The following MTMR7 variants were observed in gnomAD, a reference collection of about 807,000 sequenced individuals.
MTMR7 encodes the protein myotubularin related protein 7.
A neutral mutation model predicts 81.2 loss-of-function variants in MTMR7; 76 were observed. The observed-to-expected ratio is 0.94, with a 90% CI of 0.78 to 1.13. MTMR7 has a LOEUF of 1.13. MTMR7 is among the 50% of genes most tolerant of loss of function. MTMR7 has a pLI of 0.00. For synonymous variants in MTMR7, 372 were observed against 289.8 expected, an observed-to-expected ratio of 1.28 and a Z score of -2.88; for missense variants, 1,044 against 820.0, an observed-to-expected ratio of 1.27 and a Z score of -3.34.
rs1817318780 is a variant in MTMR7 at position 17,304,425 on chromosome 8, G to C, written c.1447C>G (p.Gln483Glu). The change falls in exon 12 of 14, where the codon CAG becomes GAG. Residue 483 changes from glutamine to glutamate, a missense_variant. By Grantham distance (29) the Gln-to-Glu change is conservative. Coordinates refer to ENST00000180173, the MANE Select transcript of MTMR7 (RefSeq NM_004686.5). ...GTTGTAGGGAGATGAAGGGTTCCCT[G>C]AGTCTGGCTGTGATCAGCTCTAAAC... is the stretch of plus-strand genomic sequence containing the variant. ...PLFRADHSQT[Q>E]GTLHLPTTPC... The C allele has an allele frequency of 6.2e-7, 1 of 1,614,054 alleles. No individual in the cohort carries two copies. The highest frequency in any genetic ancestry group is 8.5e-7 in the Non-Finnish European group (1 of 1,179,940).
intron 4 of MTMR7, among the ~76,000 whole-genome samples, chr8:17,358,518 A>G (rs1362067159): frequency 6.6e-6 from 1 of 152,218 alleles, no homozygotes; most frequent in Non-Finnish European, 1.5e-5. Context: ...AAGAAATTCA[A>G]TTTAGATAAA....
At chr8:17,320,899 G>A (rs1288057393) in intron 7 of MTMR7, among the ~76,000 whole-genome samples, 1 of 152,176 alleles carries the variant, frequency 6.6e-6, no homozygotes, top group Admixed American at 6.5e-5. Context: ...ATGCCCCAAA[G>A]TGTTCAACTT....
In MTMR7 at chr8:17,297,622, A is replaced by T. The variant is rs1816786906; in HGVS notation, c.*2240T>A. The T allele has an allele frequency of 1.3e-5, 2 of 152,072 alleles. No homozygotes were observed. Among genetic ancestry groups the T allele is most frequent in the African/African-American group, 4.8e-5 (2 of 41,452 alleles). The allele number at this position is 152,072 out of a possible 1,614,324, so 9.4% of individuals were successfully genotyped here. On this transcript the variant is annotated 3_prime_UTR_variant, in exon 14 of 14. Coordinates refer to ENST00000180173, the MANE Select transcript of MTMR7 (RefSeq NM_004686.5). ...TTCTATATATTACTAATTGGGAAGT[A>T]ATATGCCTCAAATCAGTTTTATACT... is the stretch of plus-strand genomic sequence containing the variant.
intron 1 of MTMR7, among the ~76,000 whole-genome samples, chr8:17,380,196 C>T (rs1455949218): frequency 1.3e-5 from 2 of 152,176 alleles, no homozygotes; most frequent in African/African-American, 4.8e-5. Context: ...TTTCAAAGAA[C>T]TCCACCAATA....
chr8:17,330,563 T>C (rs186789731), intron 7 of MTMR7, among the ~76,000 whole-genome samples: 157 of 152,374 alleles, frequency 1.0e-3, no homozygotes, highest in African/African-American at 3.3e-3. Flanking sequence ...ATAACTCTTC[T>C]CTATTACATA....
chr8:17,357,780 G>A (rs965587930), intron 4 of MTMR7, among the ~76,000 whole-genome samples: 1 of 152,168 alleles, frequency 6.6e-6, no homozygotes, highest in Admixed American at 6.5e-5. Context: ...AGGAACATCT[G>A]GGAAATTAAC....
chr8:17,304,604 T>G, intron 11 of MTMR7, 85 bp from the exon 12 acceptor site: 1 of 1,419,840 alleles, frequency 7.0e-7, no homozygotes, highest in Non-Finnish European at 9.7e-7. Flanking sequence ...GGAAAGGAAC[T>G]AATAATTGTT....
chr8:17,331,144 G>T lies in MTMR7; in HGVS notation c.865+6C>A, dbSNP rs200628635. The T allele has an allele frequency of 1.2e-6, 2 of 1,609,766 alleles. No homozygotes were observed. Among genetic ancestry groups the T allele is most frequent in the African/African-American group, 2.7e-5 (2 of 74,862 alleles). On this transcript the variant is annotated splice_donor_region_variant and intron_variant, in intron 7 of 13. Transcript: ENST00000180173. ...TTTTAATGCTGTGCATAAGGAAATG[G>T]TTTACCTTCCAGCATTTTCTGCAGA...
chr8:17,326,157 G>A (rs144108076), intron 7 of MTMR7, among the ~76,000 whole-genome samples: 484 of 152,238 alleles, frequency 3.2e-3, no homozygotes, highest in Non-Finnish European at 5.6e-3. Context: ...CCACTACCTC[G>A]AGAGGCAGAA....
intron 4 of MTMR7, among the ~76,000 whole-genome samples, chr8:17,355,068 G>C (rs149351771): frequency 6.6e-6 from 1 of 152,248 alleles, no homozygotes; most frequent in Non-Finnish European, 1.5e-5. Context: ...CTATATATGA[G>C]TCATGTTTAT....
chr8:17,298,090 A>C lies in MTMR7; in HGVS notation c.*1772T>G, dbSNP rs568483931. ...AGACATACACTGTCAAACGGAAGAA[A>C]TTAAAGCCACATCCTCAATATTAGG... On this transcript the variant is annotated 3_prime_UTR_variant, in exon 14 of 14. Coordinates refer to ENST00000180173, the MANE Select transcript of MTMR7 (RefSeq NM_004686.5). 2 of 152,196 alleles carry C rather than the reference A, an allele frequency of 1.3e-5. No individual in the cohort carries two copies. The highest frequency in any genetic ancestry group is 3.9e-4 in the East Asian group (2 of 5,188). The allele number at this position is 152,196 out of a possible 1,614,324, so 9.4% of individuals were successfully genotyped here. A position where few individuals can be genotyped will look rare whatever the true frequency, so the allele number is the denominator to read the frequency against.
In MTMR7 at chr8:17,299,299, A is replaced by AAAGTT. The variant is rs1816943491; in HGVS notation, c.*558_*562dup. The AAAGTT allele has an allele frequency of 6.6e-6, 1 of 152,370 alleles. No individual in the cohort carries two copies. Among genetic ancestry groups the AAAGTT allele is most frequent in the African/African-American group, 2.4e-5 (1 of 41,474 alleles). 9.4% of individuals were successfully genotyped at this position (152,370 alleles called of 1,614,324 possible). On this transcript the variant is annotated 3_prime_UTR_variant, in exon 14 of 14. Transcript: ENST00000180173. ...CAATTCAAAATATATGCTCCAAGGA[A>AAAGTT]AAGTTAAAGTGATGATTATGCCTGA...
Position 17,412,766 on chromosome 8 carries a change from T to C in MTMR7, c.24+503A>G, listed in dbSNP as rs180817682. On this transcript the variant is annotated intron_variant, in intron 1 of 13. Transcript: ENST00000180173. ...GTAAGGCCCCTTGCAGCTGCTACGC[T>C]CAGGATGAGGATGCTGACTGGGAAG... is the stretch of plus-strand genomic sequence containing the variant. Among the ~76,000 whole-genome samples, 6 of 152,266 alleles carry C rather than the reference T, an allele frequency of 3.9e-5. No individual in the cohort carries two copies. In the East Asian group the frequency reaches 1.2e-3, roughly 30 times the overall value.
intron 5 of MTMR7, 36 bp from the exon 6 acceptor site, chr8:17,341,533 GGTAACT>G (rs1563346851): frequency 6.2e-7 from 1 of 1,608,878 alleles, no homozygotes. Flanking sequence ...AGCACCATCA[GGTAACT>G]GTACCCATGA....
intron 7 of MTMR7, among the ~76,000 whole-genome samples, chr8:17,317,272 G>A (rs73210213): frequency 0.025 from 3,787 of 152,238 alleles, 74 homozygotes; most frequent in Non-Finnish European, 0.038. Context: ...GCATGGGCAG[G>A]CTTTCTTAGC....
chr8:17,375,950 A>G (rs1454140634), intron 1 of MTMR7, among the ~76,000 whole-genome samples: 2 of 152,206 alleles, frequency 1.3e-5, no homozygotes, highest in Non-Finnish European at 2.9e-5. Flanking sequence ...TAAATGTACT[A>G]TTCAATGGTT....
intron 4 of MTMR7, among the ~76,000 whole-genome samples, chr8:17,354,732 G>A (rs567300742): frequency 3.9e-5 from 6 of 152,254 alleles, no homozygotes; most frequent in Admixed American, 6.5e-5. Context: ...AAAAGTAAAC[G>A]TTTTCTCAGC....
intron 3 of MTMR7, among the ~76,000 whole-genome samples, chr8:17,367,744 A>G (rs1237102299): frequency 6.6e-6 from 1 of 152,112 alleles, no homozygotes; most frequent in Non-Finnish European, 1.5e-5. Context: ...GTCTGAAGCA[A>G]TTTCCCTTTC....
At chr8:17,333,071 G>A (rs182908219) in intron 6 of MTMR7, among the ~76,000 whole-genome samples, 10 of 152,140 alleles carry the variant, frequency 6.6e-5, no homozygotes, top group Admixed American at 4.6e-4. Context: ...TGCCATAGGA[G>A]CCCAGGCTGG....
Sources: allele counts gnomAD v4.1 joint callset (sites outside exome capture counted in the v4.1 genomes callset), GRCh38; gene constraint gnomAD v4.1.1; transcripts MANE v1.5; gene names NCBI Gene and HGNC (gene_info 2026-07-23, HGNC 2026-07-21).